The following SLC25A27 variants were observed in gnomAD, a reference collection of about 807,000 sequenced individuals.
SLC25A27 encodes solute carrier family 25 member 27.
A neutral mutation model predicts 49.1 loss-of-function variants in SLC25A27; 35 were observed. That is an observed-to-expected ratio of 0.71 (90% CI 0.54 to 0.95). The LOEUF (loss-of-function observed/expected upper bound fraction) is 0.95, where lower values mean the gene tolerates loss of function less well. SLC25A27 is among the 40% of genes least tolerant of loss of function. The pLI, the probability that SLC25A27 is intolerant of heterozygous loss-of-function variation, is 0.00. For missense variants in SLC25A27, 339 were observed against 397.1 expected (o/e 0.85, Z 1.24); for synonymous variants, 144 against 136.9 (o/e 1.05, Z -0.36).
At chr6:46,675,347 T>C (rs1190255752) in intron 8 of SLC25A27, among the ~76,000 whole-genome samples, 1 of 152,196 alleles carries the variant, frequency 6.6e-6, no homozygotes, top group Non-Finnish European at 1.5e-5. Flanking sequence ...ACTCCAAGTA[T>C]ATTGGTTTAC....
chr6:46,657,254 G>A (rs1463659327), intron 2 of SLC25A27, among the ~76,000 whole-genome samples: 1 of 152,092 alleles, frequency 6.6e-6, no homozygotes, highest in Non-Finnish European at 1.5e-5. Context: ...CCTAAGGTCA[G>A]GAGTTCGAGA....
chr6:46,660,252 G>GTA (rs1467146611), intron 3 of SLC25A27, among the ~76,000 whole-genome samples: 1 of 151,830 alleles, frequency 6.6e-6, no homozygotes, highest in Non-Finnish European at 1.5e-5. Context: ...GTGTGTGTGT[G>GTA]TATAGAGAGA....
In SLC25A27 at chr6:46,652,999, G is replaced by A; in HGVS notation, c.-194G>A. 1 of 603,468 alleles carries A rather than the reference G, an allele frequency of 1.7e-6. No individual in the cohort carries two copies. Among genetic ancestry groups the A allele is most frequent in the East Asian group, 2.8e-5 (1 of 35,886 alleles). The allele number at this position is 603,468 out of a possible 1,614,324, so 37.4% of individuals were successfully genotyped here. On this transcript the variant is annotated 5_prime_UTR_variant, in exon 1 of 9. Coordinates refer to ENST00000371347, the MANE Select transcript of SLC25A27 (RefSeq NM_004277.5). The stretch of plus-strand genomic sequence containing the variant: ...TGTGTTTTTCTATTCTGGGGTGTAA[G>A]GGGCAGCTGGACCACTCCAGCTGGG...
chr6:46,670,041 TTTAG>T (rs1410692397), intron 6 of SLC25A27, 90 bp from the exon 7 acceptor site: 1 of 650,338 alleles, frequency 1.5e-6, no homozygotes, highest in African/African-American at 1.9e-5. Flanking sequence ...TAAGAATATA[TTTAG>T]TATTATATTC....
chr6:46,676,577 T>C lies in SLC25A27; in HGVS notation c.*123T>C. On this transcript the variant is annotated 3_prime_UTR_variant, in exon 9 of 9. Transcript: ENST00000371347. ...AGACACCTATTCCACAGAGACTGATTTATAGGGGGCAGCACTTTATTTTTT... is the reference window on the plus strand; with the variant it reads ...AGACACCTATTCCACAGAGACTGATCTATAGGGGGCAGCACTTTATTTTTT... 1 of 1,579,102 alleles carries C rather than the reference T, an allele frequency of 6.3e-7. No homozygotes were observed. The highest frequency in any genetic ancestry group is 1.1e-5 in the South Asian group (1 of 87,354).
chr6:46,654,390 A>T (rs1762896084), intron 1 of SLC25A27, among the ~76,000 whole-genome samples: 1 of 152,134 alleles, frequency 6.6e-6, no homozygotes, highest in South Asian at 2.1e-4. Context: ...TTCGAAAATG[A>T]TGGAGAATTT....
chr6:46,662,887 G>A (rs1763205974), intron 4 of SLC25A27, among the ~76,000 whole-genome samples: 4 of 152,080 alleles, frequency 2.6e-5, no homozygotes, highest in Admixed American at 6.6e-5. Flanking sequence ...TTATAAACTC[G>A]CTCAAAAGGC....
At chr6:46,660,761 A>G (rs555419599) in intron 3 of SLC25A27, among the ~76,000 whole-genome samples, 15 of 152,330 alleles carry the variant, frequency 9.8e-5, no homozygotes, top group Admixed American at 8.5e-4. Flanking sequence ...TTCACCTTTC[A>G]GGCAACATTT....
Position 46,653,197 on chromosome 6 carries a change from C to G in SLC25A27, c.5C>G (p.Ser2Cys). ...ATCGTCTTGCGCTACTGCTGAATGTCCGTCCCGGAGGAGGAGGAGAGGCTT... is the reference window on the plus strand; with the variant it reads ...ATCGTCTTGCGCTACTGCTGAATGTGCGTCCCGGAGGAGGAGGAGAGGCTT... The part of the protein sequence containing the change: M[S>C]VPEEEERLLP... Residue 2 changes from serine to cysteine, a missense_variant, in exon 1 of 9, where the codon TCC becomes TGC. Physicochemically the swap from Ser to Cys is moderately radical, Grantham distance 112 (BLOSUM62 -1). Coordinates refer to ENST00000371347, the MANE Select transcript of SLC25A27 (RefSeq NM_004277.5). The G allele has an allele frequency of 6.2e-7, 1 of 1,613,194 alleles. No homozygotes were observed. Among genetic ancestry groups the G allele is most frequent in the Non-Finnish European group, 8.5e-7 (1 of 1,179,538 alleles).
chr6:46,656,347 A>ATT (rs771129922), intron 2 of SLC25A27, among the ~76,000 whole-genome samples: 6 of 136,120 alleles, frequency 4.4e-5, no homozygotes, highest in Non-Finnish European at 3.2e-5. Flanking sequence ...CACCCAGCTA[A>ATT]TTTTTTTTTT....
intron 8 of SLC25A27, among the ~76,000 whole-genome samples, chr6:46,672,696 A>C (rs2150658011): frequency 6.6e-6 from 1 of 152,260 alleles, no homozygotes; most frequent in East Asian, 1.9e-4. Context: ...ATTTGGGGAT[A>C]AAATAAGGTT....
intron 7 of SLC25A27, among the ~76,000 whole-genome samples, chr6:46,670,802 T>C (rs1763502301): frequency 6.6e-6 from 1 of 152,120 alleles, no homozygotes; most frequent in Non-Finnish European, 1.5e-5. Context: ...AGTGGCGTGA[T>C]CTCCCGCTCA....
chr6:46,676,793 G>C lies in SLC25A27; in HGVS notation c.*339G>C. The C allele has an allele frequency of 1.0e-6, 1 of 956,236 alleles. No individual in the cohort carries two copies. Among genetic ancestry groups the C allele is most frequent in the Non-Finnish European group, 1.6e-6 (1 of 613,648 alleles). The allele number at this position is 956,236 out of a possible 1,614,324, so 59.2% of individuals were successfully genotyped here. A position where few individuals can be genotyped will look rare whatever the true frequency, so the allele number is the denominator to read the frequency against. On this transcript the variant is annotated 3_prime_UTR_variant, in exon 9 of 9. Transcript: ENST00000371347. Reference sequence around the variant, plus strand: ...ATGCTGAAGAGCCTGCTTAGAGGAGGAGTACCAGGAGGGAGCCAGCATTTC... The same window carrying C: ...ATGCTGAAGAGCCTGCTTAGAGGAGCAGTACCAGGAGGGAGCCAGCATTTC...
chr6:46,653,498 T>C (rs1185713993), intron 1 of SLC25A27, 200 bp downstream of exon 1: 2 of 985,338 alleles, frequency 2.0e-6, no homozygotes, highest in East Asian at 2.3e-4. Flanking sequence ...TTCCTTCTAA[T>C]CTCTTCTAAT....
rs900335711 is a variant in SLC25A27 at position 46,662,320 on chromosome 6, C to T, written c.384-56C>T. ...CCTGTACCAGCTCAGTATTGGTTCACTATAAAATTCGTGAAATTAATGGCA... is the reference window on the plus strand; with the variant it reads ...CCTGTACCAGCTCAGTATTGGTTCATTATAAAATTCGTGAAATTAATGGCA... On this transcript the variant is annotated intron_variant, in intron 3 of 8. Coordinates refer to ENST00000371347, the MANE Select transcript of SLC25A27 (RefSeq NM_004277.5). 5.2e-6 allele frequency: 8 copies of T among 1,544,084 alleles called. No homozygotes were observed. In the East Asian group the frequency reaches 1.6e-4, roughly 30 times the overall value.
chr6:46,660,439 T>C (rs1763127692), intron 3 of SLC25A27, among the ~76,000 whole-genome samples: 1 of 152,242 alleles, frequency 6.6e-6, no homozygotes, highest in African/African-American at 2.4e-5. Context: ...TTTTGGAGCA[T>C]AAATTACTTG....
chr6:46,653,481 C>A (rs1399520322), intron 1 of SLC25A27, 183 bp downstream of exon 1: 2 of 985,322 alleles, frequency 2.0e-6, no homozygotes, highest in Non-Finnish European at 2.4e-6. Context: ...GAGGTCTCCA[C>A]GGCCTTTTCC....
At chr6:46,662,662 T>C (rs964151229) in intron 4 of SLC25A27, among the ~76,000 whole-genome samples, 164 bp downstream of exon 4, 1 of 152,230 alleles carries the variant, frequency 6.6e-6, no homozygotes, top group Non-Finnish European at 1.5e-5. Flanking sequence ...ATCTTTTCTT[T>C]GCACTAGGAA....
chr6:46,667,515 T>G (rs966009440), intron 5 of SLC25A27, among the ~76,000 whole-genome samples: 1 of 152,228 alleles, frequency 6.6e-6, no homozygotes, highest in Non-Finnish European at 1.5e-5. Flanking sequence ...CTGCTACTTC[T>G]TGCATATTCT....
Sources: allele counts gnomAD v4.1 joint callset (sites outside exome capture counted in the v4.1 genomes callset), GRCh38; gene constraint gnomAD v4.1.1; transcripts MANE v1.5; gene names NCBI Gene and HGNC (gene_info 2026-07-23, HGNC 2026-07-21).